AHI1: variants seen among roughly 807,000 people sequenced by gnomAD.
AHI1 encodes jouberin.
A neutral mutation model predicts 149.3 loss-of-function variants in AHI1; 123 were observed. The observed-to-expected ratio is 0.82, with a 90% CI of 0.71 to 0.96. The LOEUF is 0.96. Ranked by LOEUF, AHI1 falls within the 40% of genes least tolerant of loss-of-function variation. The probability of loss-of-function intolerance (pLI) is 0.00; values close to 1 mark genes in which losing one functional copy is unlikely to be tolerated. For missense variants in AHI1, 1,439 were observed against 1,422.7 expected (o/e 1.01, Z -0.18); for synonymous variants, 475 against 459.8 (o/e 1.03, Z -0.42).
chr6:135,371,400 G>T (rs1409086451), intron 23 of AHI1, among the ~76,000 whole-genome samples: 1 of 152,084 alleles, frequency 6.6e-6, no homozygotes, highest in African/African-American at 2.4e-5. Flanking sequence ...CCTATGTAAA[G>T]AACCTGTTCC....
chr6:135,389,114 T>G (rs1356832192), intron 23 of AHI1, among the ~76,000 whole-genome samples: 1 of 151,388 alleles, frequency 6.6e-6, no homozygotes, highest in Non-Finnish European at 1.5e-5. Flanking sequence ...ATCGAGACCA[T>G]CCTGGCTAAC....
chr6:135,435,722 T>C (rs1044508832), intron 15 of AHI1, among the ~76,000 whole-genome samples: 4 of 152,198 alleles, frequency 2.6e-5, no homozygotes, highest in Admixed American at 6.5e-5. Context: ...AAGATAATTT[T>C]AGCACAGCAG....
intron 5 of AHI1, among the ~76,000 whole-genome samples, chr6:135,481,604 A>T (rs1793653691): frequency 6.6e-6 from 1 of 151,862 alleles, no homozygotes; most frequent in Non-Finnish European, 1.5e-5. Context: ...AATATCTTTT[A>T]AAGAGATTTT....
chr6:135,381,752 T>C (rs1361548869), intron 23 of AHI1, among the ~76,000 whole-genome samples: 2 of 152,204 alleles, frequency 1.3e-5, no homozygotes, highest in East Asian at 3.8e-4. Context: ...GCATGCCCTG[T>C]TGAATTTACC....
At chr6:135,397,385 C>T (rs549527633) in intron 22 of AHI1, among the ~76,000 whole-genome samples, 1 of 151,976 alleles carries the variant, frequency 6.6e-6, no homozygotes, top group Non-Finnish European at 1.5e-5. Context: ...GTCTACCCTA[C>T]ACCAATCTAC....
chr6:135,325,157 G>A (rs1787465610), intron 24 of AHI1, among the ~76,000 whole-genome samples: 1 of 151,914 alleles, frequency 6.6e-6, no homozygotes, highest in African/African-American at 2.4e-5. Flanking sequence ...CTCCTGAGTA[G>A]TTGGGATTAC....
intron 24 of AHI1, among the ~76,000 whole-genome samples, chr6:135,348,884 C>T (rs1420411907): frequency 6.6e-6 from 1 of 152,076 alleles, no homozygotes; most frequent in Non-Finnish European, 1.5e-5. Flanking sequence ...GTACTTGAAA[C>T]AATAGAATAA....
At position 135,388,095 on chromosome 6, in the gene AHI1, T is replaced by C. The variant is rs997206556; in HGVS notation, c.3109+6681A>G. 20 of 1,567,386 alleles carry C rather than the reference T, an allele frequency of 1.3e-5. No individual in the cohort carries two copies. The East Asian group carries it at 4.5e-4, about 35-fold the overall frequency. ...TAAAAACATTTTTGATTCTTTTTAGTACCATAAAAGACATTTAAGGGCATC... is the reference window on the plus strand; with the variant it reads ...TAAAAACATTTTTGATTCTTTTTAGCACCATAAAAGACATTTAAGGGCATC... On this transcript the variant is annotated intron_variant, in intron 23 of 28. Coordinates refer to ENST00000265602, the MANE Select transcript of AHI1 (RefSeq NM_001134831.2).
At chr6:135,415,180 A>C (rs1782190733) in intron 20 of AHI1, among the ~76,000 whole-genome samples, 2 of 151,992 alleles carry the variant, frequency 1.3e-5, no homozygotes, top group Admixed American at 6.6e-5. Context: ...TCCATGGTGT[A>C]TATGTGCCAC....
intron 5 of AHI1, among the ~76,000 whole-genome samples, chr6:135,479,706 A>G (rs1430889780): frequency 6.6e-6 from 1 of 152,156 alleles, no homozygotes; most frequent in African/African-American, 2.4e-5. Context: ...TTGAGAAAGC[A>G]TGATTGTGTT....
intron 23 of AHI1, among the ~76,000 whole-genome samples, chr6:135,378,636 ATTATT>A (rs1582916095): frequency 2.0e-5 from 3 of 152,240 alleles, no homozygotes; most frequent in African/African-American, 7.2e-5. Flanking sequence ...TGTCTTTAAC[ATTATT>A]TTAACAATAA....
intron 23 of AHI1, among the ~76,000 whole-genome samples, chr6:135,377,753 G>C (rs1456802452): frequency 6.6e-6 from 1 of 151,882 alleles, no homozygotes; most frequent in Non-Finnish European, 1.5e-5. Flanking sequence ...AGTACCAGGC[G>C]CATGAACCAC....
chr6:135,447,127 G>A lies in AHI1; in HGVS notation c.1660C>T (p.Gln554Ter), dbSNP rs933648254. The change falls in exon 13 of 29, where the codon CAG becomes TAG. Residue 554 changes from glutamine to a stop codon, truncating the protein, a stop_gained. Coordinates refer to ENST00000265602, the MANE Select transcript of AHI1 (RefSeq NM_001134831.2). LOFTEE classifies it high-confidence loss of function. ...TGCACTGGTTTACCTTTTTCCTCCT[G>A]AAGAGCCATCATAGAGCGGTAAGAT... is the stretch of plus-strand genomic sequence containing the variant. Reference protein sequence around the residue: ...KPSYRSMMALQEEKGKPVHCE... With the variant: ...KPSYRSMMAL The A allele has an allele frequency of 2.5e-6, 4 of 1,606,026 alleles. No homozygotes were observed. The African/African-American group carries it at 4.0e-5, about 16-fold the overall frequency.
chr6:135,460,784 T>C (rs1789748717), intron 8 of AHI1, among the ~76,000 whole-genome samples: 1 of 152,178 alleles, frequency 6.6e-6, no homozygotes, highest in East Asian at 1.9e-4. Flanking sequence ...AACACAGTCA[T>C]GTTATTTATG....
intron 26 of AHI1, chr6:135,302,943 CTT>C (rs1784071579): frequency 1.8e-6 from 1 of 543,376 alleles, no homozygotes; most frequent in African/African-American, 2.0e-5. Context: ...TGTTTTATGA[CTT>C]TGTTTCCTCT....
At chr6:135,411,227 A>G in intron 21 of AHI1, 121 bp downstream of exon 21, 1 of 933,154 alleles carries the variant, frequency 1.1e-6, no homozygotes. Context: ...GAACCATAAA[A>G]GTATAGGAAG....
rs1794031328 is a variant in AHI1, at chr6:135,483,472, TAAAGTG to T, written c.135+7145_135+7150del. 7.9e-5 allele frequency among the ~76,000 whole-genome samples: 12 copies of T among 152,210 alleles called. No homozygotes were observed. In the South Asian group the frequency reaches 2.5e-3, roughly 32 times the overall value. ...TTCTACAAAAGAACTATTATAAAAA[TAAAGTG>T]AGAGAGGATAAAATCAAGATAATAC... is the stretch of plus-strand genomic sequence containing the variant. On this transcript the variant is annotated intron_variant, in intron 5 of 28. Coordinates refer to ENST00000265602, the MANE Select transcript of AHI1 (RefSeq NM_001134831.2).
rs1448795637 is a variant in AHI1 at position 135,428,654 on chromosome 6, T to G, written c.2598A>C (p.Ile866=). The G allele has an allele frequency of 2.5e-6, 4 of 1,608,516 alleles. 1 individual carries two copies. The South Asian group carries it at 4.4e-5, about 18-fold the overall frequency. Residue 866 remains isoleucine, a synonymous_variant, in exon 19 of 29, where the codon ATA becomes ATC. Transcript: ENST00000265602. The stretch of plus-strand genomic sequence containing the variant: ...CTGTTTCTGGGTTCCAAACATACAC[T>G]ATACCATCCTCACTTCCAGCAAACA... ...TFLFAGSEDG[I]VYVWNPETGE...
chr6:135,494,549 A>G (rs1003898427), intron 3 of AHI1, among the ~76,000 whole-genome samples: 1 of 152,252 alleles, frequency 6.6e-6, no homozygotes, highest in Non-Finnish European at 1.5e-5. Context: ...TATAAAGATT[A>G]AATGAGAATA....
Sources: gnomAD v4.1 joint callset for allele counts (sites outside exome capture counted in the v4.1 genomes callset) on GRCh38, gnomAD v4.1.1 for gene constraint, MANE v1.5 for transcripts, NCBI Gene and HGNC (gene_info 2026-07-23, HGNC 2026-07-21) for gene names.